TRHDE: variants seen among roughly 807,000 people sequenced by gnomAD.
TRHDE encodes the protein thyrotropin-releasing hormone-degrading ectoenzyme.
In TRHDE, 72 loss-of-function variants were observed where a neutral mutation model predicts 125.7. That is an observed-to-expected ratio of 0.57 (90% CI 0.47 to 0.70). The LOEUF (loss-of-function observed/expected upper bound fraction) is 0.70, where lower values mean the gene tolerates loss of function less well. TRHDE is among the 30% of genes least tolerant of loss of function. The probability of loss-of-function intolerance (pLI) is 0.00; values close to 1 mark genes in which losing one functional copy is unlikely to be tolerated. For synonymous variants in TRHDE, 509 were observed against 509.1 expected, an observed-to-expected ratio of 1.00 and a Z score of 0.00; for missense variants, 1,110 against 1,327.1, an observed-to-expected ratio of 0.84 and a Z score of 2.54.
chr12:72,394,185 G>T (rs1872707569), intron 3 of TRHDE, among the ~76,000 whole-genome samples: 1 of 152,122 alleles, frequency 6.6e-6, no homozygotes, highest in South Asian at 2.1e-4. Flanking sequence ...AATAAATGGT[G>T]CAAGACAATA....
chr12:72,595,025 A>G (rs1473438203), intron 12 of TRHDE, among the ~76,000 whole-genome samples: 1 of 148,836 alleles, frequency 6.7e-6, no homozygotes, highest in Non-Finnish European at 1.5e-5. Context: ...AAAAAACCAA[A>G]CACCGCATGT....
intron 10 of TRHDE, among the ~76,000 whole-genome samples, chr12:72,569,071 A>G (rs559890920): frequency 1.3e-5 from 2 of 152,224 alleles, no homozygotes; most frequent in East Asian, 3.9e-4. Context: ...GAGAGAGGCA[A>G]TATTCTCCAT....
intron 12 of TRHDE, among the ~76,000 whole-genome samples, chr12:72,615,184 G>A (rs1592573712): frequency 6.6e-6 from 1 of 152,094 alleles, no homozygotes. Context: ...TAGTAGGGAA[G>A]AAAGGTATAA....
In TRHDE at chr12:72,286,705, G is replaced by A. The variant is rs143921572; in HGVS notation, c.939G>A (p.Ser313=). 45 of 1,613,298 alleles carry A rather than the reference G, an allele frequency of 2.8e-5. No individual in the cohort carries two copies. Among genetic ancestry groups the A allele is most frequent in the South Asian group, 9.9e-5 (9 of 91,008 alleles). ...ERRFLGVTQF[S]PTHARKAFPC... The stretch of plus-strand genomic sequence containing the variant: ...GATTCCTTGGTGTTACTCAGTTTTC[G>A]CCTACACATGCCAGAAAGGCATTTC... Residue 313 remains serine (S), a synonymous_variant, in exon 2 of 19, where the codon TCG becomes TCA. Transcript: ENST00000261180.
In TRHDE at chr12:72,222,045, A is replaced by G. The variant is rs949112561; in HGVS notation, n.279+116293A>G. 2.0e-5 allele frequency among the ~76,000 whole-genome samples: 3 copies of G among 152,092 alleles called. No homozygotes were observed. In the South Asian group the frequency reaches 6.2e-4, roughly 31 times the overall value. On this transcript the variant is annotated intron_variant and non_coding_transcript_variant, in intron 2 of 4. Coordinates refer to the TRHDE transcript ENST00000548156. Reference sequence around the variant, plus strand: ...AGCTTCAGGGACTCCAATTTCTTACATCGTGGTCGAAGGCTTCAGGAGCAA... The same window carrying G: ...AGCTTCAGGGACTCCAATTTCTTACGTCGTGGTCGAAGGCTTCAGGAGCAA...
At chr12:72,339,241 A>T (rs1364421169) in intron 2 of TRHDE, among the ~76,000 whole-genome samples, 1 of 152,160 alleles carries the variant, frequency 6.6e-6, no homozygotes, top group South Asian at 2.1e-4. Flanking sequence ...TCTACTAATT[A>T]TGTTTACCTT....
chr12:72,601,578 G>A (rs1334819852), intron 12 of TRHDE, among the ~76,000 whole-genome samples: 2 of 152,138 alleles, frequency 1.3e-5, no homozygotes, highest in Non-Finnish European at 2.9e-5. Context: ...TTCCATGAAA[G>A]AGTCAATCAA....
chr12:72,504,510 G>T (rs1031793119), intron 6 of TRHDE, among the ~76,000 whole-genome samples: 3 of 151,978 alleles, frequency 2.0e-5, no homozygotes, highest in Admixed American at 2.0e-4. Context: ...CACCATATTG[G>T]CCAGGCTGGT....
At chr12:72,390,251 T>G (rs1335363468) in intron 3 of TRHDE, among the ~76,000 whole-genome samples, 1 of 152,224 alleles carries the variant, frequency 6.6e-6, no homozygotes, top group East Asian at 1.9e-4. Context: ...CAGCTGTATT[T>G]AGACTAAAAT....
At chr12:72,522,399 T>C (rs887149610) in intron 6 of TRHDE, among the ~76,000 whole-genome samples, 3 of 152,348 alleles carry the variant, frequency 2.0e-5, no homozygotes, top group Admixed American at 1.3e-4. Context: ...GACTGGCAGA[T>C]AGTGAGCAAC....
chr12:72,151,817 A>C (rs1177583559), intron 2 of TRHDE, among the ~76,000 whole-genome samples: 4 of 152,202 alleles, frequency 2.6e-5, no homozygotes, highest in African/African-American at 9.6e-5. Context: ...TATAGTTTGA[A>C]GTCAGGTAGC....
intron 7 of TRHDE, chr12:72,560,858 C>T (rs1264329563): frequency 1.3e-5 from 2 of 152,016 alleles, no homozygotes; most frequent in Admixed American, 1.3e-4. Context: ...ATAAAATGCA[C>T]ATTTATATTT....
At chr12:72,139,962 T>A (rs916061891) in intron 2 of TRHDE, among the ~76,000 whole-genome samples, 25 of 152,376 alleles carry the variant, frequency 1.6e-4, no homozygotes, top group African/African-American at 5.8e-4. Context: ...AGACTCTTCA[T>A]GGCAATAACA....
intron 2 of TRHDE, among the ~76,000 whole-genome samples, chr12:72,333,854 A>G (rs1251824147): frequency 2.6e-5 from 4 of 152,248 alleles, no homozygotes; most frequent in East Asian, 3.8e-4. Context: ...TTCAAGAAAC[A>G]TAGTTTTTTA....
intron 12 of TRHDE, among the ~76,000 whole-genome samples, chr12:72,578,256 G>C (rs1447512363): frequency 6.6e-6 from 1 of 152,090 alleles, no homozygotes. Flanking sequence ...ACATTTTATA[G>C]CTGAGGCATT....
At chr12:72,313,875 G>A (rs1868662078) in intron 2 of TRHDE, among the ~76,000 whole-genome samples, 1 of 152,160 alleles carries the variant, frequency 6.6e-6, no homozygotes, top group Middle Eastern at 3.2e-3. Context: ...CAAAGATTGG[G>A]CAAGTTTCCT....
chr12:72,542,003 A>G (rs1273886983), intron 6 of TRHDE, among the ~76,000 whole-genome samples: 3 of 151,452 alleles, frequency 2.0e-5, no homozygotes, highest in Non-Finnish European at 3.0e-5. Context: ...ATAGTGTTCA[A>G]TAAAATATTG....
intron 5 of TRHDE, among the ~76,000 whole-genome samples, chr12:72,491,536 C>T (rs1877685453): frequency 1.3e-5 from 2 of 151,946 alleles, no homozygotes; most frequent in South Asian, 4.1e-4. Flanking sequence ...TTAGCCGCAT[C>T]ACATCTTGGA....
intron 2 of TRHDE, among the ~76,000 whole-genome samples, chr12:72,160,409 G>T (rs562233988): frequency 5.3e-5 from 8 of 152,188 alleles, no homozygotes; most frequent in Non-Finnish European, 1.2e-4. Context: ...CTCCTCGCGG[G>T]CATGGTGGCT....
Sources: gnomAD v4.1 joint callset for allele counts (sites outside exome capture counted in the v4.1 genomes callset) on GRCh38, gnomAD v4.1.1 for gene constraint, MANE v1.5 for transcripts, NCBI Gene and HGNC (gene_info 2026-07-23, HGNC 2026-07-21) for gene names.